HDAC9: variants seen among roughly 807,000 people sequenced by gnomAD.
The protein encoded by HDAC9 is MEF-2 interacting transcription repressor (MITR) protein.
Under a neutral mutation model 139.4 loss-of-function variants are expected in HDAC9, and 41 were observed. That is an observed-to-expected ratio of 0.29 (90% CI 0.23 to 0.38). The LOEUF (loss-of-function observed/expected upper bound fraction) is 0.38, where lower values mean the gene tolerates loss of function less well. Among genes scored for constraint, HDAC9 ranks in the 10% least tolerant of loss-of-function variants. The pLI is 1.00. For missense variants in HDAC9, 1,147 were observed against 1,297.0 expected, an observed-to-expected ratio of 0.88 and a Z score of 1.78; for synonymous variants, 517 against 476.2, an observed-to-expected ratio of 1.09 and a Z score of -1.12.
At chr7:18,727,498 T>C (rs911238869) in intron 12 of HDAC9, 82 bp from the exon 13 acceptor site, 2 of 1,198,448 alleles carry the variant, frequency 1.7e-6, no homozygotes, top group Non-Finnish European at 2.3e-6. Flanking sequence ...CCTGATGAAC[T>C]TAATTTGTTG....
In HDAC9 at chr7:18,865,866, C is replaced by T. The variant is rs562370467; in HGVS notation, c.2685-8612C>T. On this transcript the variant is annotated intron_variant, in intron 21 of 25. Coordinates refer to ENST00000686413, the MANE Select transcript of HDAC9 (RefSeq NM_178425.4). ...AAAGGTATAATTTTATAATATGATG[C>T]TTTCATGCAATGACATACAATTAGA... Among the ~76,000 whole-genome samples, 64 of 151,858 alleles carry T rather than the reference C, an allele frequency of 4.2e-4. 1 individual carries two copies. Among genetic ancestry groups the T allele is most frequent in the African/African-American group, 1.5e-3 (64 of 41,400 alleles).
At chr7:18,960,459 T>C (rs1305355566) in intron 24 of HDAC9, among the ~76,000 whole-genome samples, 3 of 152,088 alleles carry the variant, frequency 2.0e-5, no homozygotes, top group Admixed American at 2.0e-4. Flanking sequence ...TATCTGTAGT[T>C]CTGGGAACTG....
intron 1 of HDAC9, among the ~76,000 whole-genome samples, chr7:18,137,136 A>G (rs2128106503): frequency 6.9e-6 from 1 of 144,990 alleles, no homozygotes; most frequent in East Asian, 2.0e-4. Flanking sequence ...AATGCTTGTG[A>G]TTTTTGTACA....
intron 12 of HDAC9, among the ~76,000 whole-genome samples, chr7:18,705,355 A>C (rs1783805137): frequency 6.6e-6 from 1 of 152,144 alleles, no homozygotes; most frequent in Non-Finnish European, 1.5e-5. Context: ...TGAGATAATG[A>C]GAAATGTCTC....
In HDAC9 at chr7:18,957,437, C is replaced by T. The variant is rs543320275; in HGVS notation, c.3022+3207C>T. ...TTGATTTCCTTACAAGATATGAAAT[C>T]GCACTCTTGCTTCTCACTGTTTTAT... On this transcript the variant is annotated intron_variant, in intron 24 of 25. Transcript: ENST00000686413. 8.5e-5 allele frequency among the ~76,000 whole-genome samples: 13 copies of T among 152,200 alleles called. 1 individual carries two copies. The highest frequency in any genetic ancestry group is 3.4e-3 in the Middle Eastern group (1 of 292).
At chr7:18,197,757 T>C (rs1370547425) in intron 2 of HDAC9, among the ~76,000 whole-genome samples, 1 of 152,216 alleles carries the variant, frequency 6.6e-6, no homozygotes. Flanking sequence ...CCTTTTTCCC[T>C]AGCTTTAAGT....
At chr7:18,925,842 A>C (rs1386399611) in intron 22 of HDAC9, among the ~76,000 whole-genome samples, 1 of 151,978 alleles carries the variant, frequency 6.6e-6, no homozygotes, top group Non-Finnish European at 1.5e-5. Context: ...ATTGTTCAAA[A>C]AGGATACTAG....
intron 22 of HDAC9, among the ~76,000 whole-genome samples, chr7:18,889,438 A>AC (rs151265250): frequency 0.2 from 30,524 of 150,646 alleles, 3,347 homozygotes; most frequent in South Asian, 0.33. Context: ...GTATGGAGTG[A>AC]TTTAAAAAAA....
chr7:18,478,591 A>C, intron 1 of HDAC9, among the ~76,000 whole-genome samples: 1 of 152,260 alleles, frequency 6.6e-6, no homozygotes. Context: ...TAAATAGAAA[A>C]GAAAAGAGGA....
chr7:18,224,175 T>A (rs1378975858), intron 2 of HDAC9, among the ~76,000 whole-genome samples: 4 of 152,222 alleles, frequency 2.6e-5, no homozygotes. Context: ...ACATGTTAAA[T>A]CATTACTGTT....
intron 13 of HDAC9, among the ~76,000 whole-genome samples, chr7:18,733,113 ATG>A (rs1479189915): frequency 2.6e-4 from 38 of 145,046 alleles, no homozygotes; most frequent in African/African-American, 8.5e-4. Flanking sequence ...ATACATATAT[ATG>A]TGTATACATG....
In HDAC9 at chr7:18,938,161, AAAATTGAT is replaced by A. The variant is rs1192068557; in HGVS notation, c.2937+2220_2937+2227del. ...CTTTTGTAGAGCAATTAGTGACTTT[AAAATTGAT>A]GGCATGAGCCGAGATCCCGCCACTG... is the stretch of plus-strand genomic sequence containing the variant. On this transcript the variant is annotated intron_variant, in intron 23 of 25. Coordinates refer to ENST00000686413, the MANE Select transcript of HDAC9 (RefSeq NM_178425.4). Among the ~76,000 whole-genome samples the A allele has an allele frequency of 2.0e-5, 3 of 151,120 alleles. No individual in the cohort carries two copies. In the East Asian group the frequency reaches 5.8e-4, roughly 29 times the overall value.
chr7:18,227,334 T>C (rs567540076), intron 2 of HDAC9, among the ~76,000 whole-genome samples: 17 of 152,324 alleles, frequency 1.1e-4, no homozygotes, highest in Admixed American at 1.1e-3. Flanking sequence ...CGCTGTTTCC[T>C]GCCACTGTTT....
intron 1 of HDAC9, among the ~76,000 whole-genome samples, chr7:18,456,329 C>T (rs1055991603): frequency 1.3e-5 from 2 of 152,022 alleles, no homozygotes; most frequent in Non-Finnish European, 1.5e-5. Flanking sequence ...CTCCACCTCC[C>T]GGGTTCAAGT....
chr7:18,627,802 C>T (rs1321277298), intron 6 of HDAC9, among the ~76,000 whole-genome samples: 1 of 152,050 alleles, frequency 6.6e-6, no homozygotes, highest in Non-Finnish European at 1.5e-5. Context: ...CATTTTCGGG[C>T]TTTTGGTTTT....
chr7:18,607,570 A>G (rs942613421), intron 6 of HDAC9, among the ~76,000 whole-genome samples: 1 of 152,242 alleles, frequency 6.6e-6, no homozygotes, highest in African/African-American at 2.4e-5. Flanking sequence ...ATAGTATGGC[A>G]TTAGTGACAG....
intron 17 of HDAC9, among the ~76,000 whole-genome samples, chr7:18,822,897 A>G (rs1413328093): frequency 2.0e-5 from 3 of 152,176 alleles, no homozygotes; most frequent in African/African-American, 7.2e-5. Flanking sequence ...AAAATATTAG[A>G]TTTTATTATG....
intron 1 of HDAC9, among the ~76,000 whole-genome samples, chr7:18,107,546 A>G (rs912832455): frequency 2.0e-5 from 3 of 152,120 alleles, no homozygotes; most frequent in Non-Finnish European, 2.9e-5. Flanking sequence ...ACACACACAG[A>G]CAGACACCTC....
At chr7:18,668,931 A>T in intron 12 of HDAC9, 2 of 967,664 alleles carry the variant, frequency 2.1e-6, no homozygotes, top group Non-Finnish European at 2.5e-6. Context: ...ATCAAAATAC[A>T]TTGCCAGTCT....
Sources: gnomAD v4.1 joint callset for allele counts (sites outside exome capture counted in the v4.1 genomes callset) on GRCh38, gnomAD v4.1.1 for gene constraint, MANE v1.5 for transcripts, NCBI Gene and HGNC (gene_info 2026-07-23, HGNC 2026-07-21) for gene names.